Variants in UGT2B17 observed in about 807,000 individuals in gnomAD.
UGT2B17 encodes UDP-glucuronosyltransferase 2B17.
A neutral mutation model predicts 48.2 loss-of-function variants in UGT2B17; 21 were observed. That is an observed-to-expected ratio of 0.44 (90% CI 0.31 to 0.63). UGT2B17 has a LOEUF of 0.63. UGT2B17 is among the 20% of genes least tolerant of loss of function. The pLI is 0.08. For synonymous variants in UGT2B17, 146 were observed against 238.4 expected (o/e 0.61, Z 3.57); for missense variants, 402 against 696.1 (o/e 0.58, Z 4.75).
At chr4:68,541,786 T>C (rs1458092087) in intron 6 of UGT2B17, among the ~76,000 whole-genome samples, 10 of 127,188 alleles carry the variant, frequency 7.9e-5, no homozygotes, top group African/African-American at 2.7e-4. Context: ...GGGTTTTACA[T>C]TTAAGTCTTT....
At chr4:68,550,616 A>G in intron 6 of UGT2B17, 61 bp downstream of exon 6, 1 of 1,237,714 alleles carries the variant, frequency 8.1e-7, no homozygotes, top group Non-Finnish European at 1.1e-6. Flanking sequence ...GTTCAAACTC[A>G]TATTCACTGT....
intron 4 of UGT2B17, among the ~76,000 whole-genome samples, chr4:68,553,702 T>C (rs1425430353): frequency 1.6e-5 from 2 of 125,552 alleles, no homozygotes; most frequent in Non-Finnish European, 3.4e-5. Flanking sequence ...TGACTGTTGT[T>C]ATTTTTTTCC....
At chr4:68,561,226 C>T (rs1438873119) in intron 3 of UGT2B17, among the ~76,000 whole-genome samples, 1 of 121,984 alleles carries the variant, frequency 8.2e-6, no homozygotes, top group Non-Finnish European at 1.7e-5. Context: ...GCTCTCTAAC[C>T]CTTTATATTT....
Position 68,567,842 on chromosome 4 carries a change from T to C in UGT2B17, c.643A>G (p.Met215Val), listed in dbSNP as rs1731227769. ...AAGTCAAAATAAAGCATATATATCATATTTTTTATCCTCTCCATGAAAATC... is the reference window on the plus strand; with the variant it reads ...AAGTCAAAATAAAGCATATATATCACATTTTTTATCCTCTCCATGAAAATC... Reference protein sequence around the residue: ...QMIFMERIKNMIYMLYFDFWF... With the variant: ...QMIFMERIKNVIYMLYFDFWF... The change falls in exon 2 of 7, where the codon ATG (methionine) becomes GTG (valine). Residue 215 changes from methionine to valine, a missense_variant. By Grantham distance (21) the Met-to-Val change is conservative. This residue lies in a region of UGT2B17 where 106 missense variants were observed against 169.8 expected (regional missense o/e 0.62). Transcript: ENST00000317746. The C allele has an allele frequency of 1.5e-6, 2 of 1,375,842 alleles. 1 individual carries two copies. The highest frequency in any genetic ancestry group is 1.9e-6 in the Non-Finnish European group (2 of 1,053,492). The allele number at this position is 1,375,842 out of a possible 1,614,324, so 85.2% of individuals were successfully genotyped here. A position where few individuals can be genotyped will look rare whatever the true frequency, so the allele number is the denominator to read the frequency against.
chr4:68,573,247 G>C (rs1469452601), intron 1 of UGT2B17, among the ~76,000 whole-genome samples: 1 of 127,254 alleles, frequency 7.9e-6, no homozygotes, highest in Non-Finnish European at 1.7e-5. Flanking sequence ...ACAGGCCATT[G>C]GCCTTGGCCA....
intron 6 of UGT2B17, among the ~76,000 whole-genome samples, chr4:68,548,953 G>T (rs932096668): frequency 8.0e-6 from 1 of 125,254 alleles, no homozygotes; most frequent in African/African-American, 2.7e-5. Context: ...TGCAAATAGA[G>T]ACAATTTAAC....
chr4:68,565,070 G>A lies in UGT2B17; in HGVS notation c.873+502C>T, dbSNP rs1173728936. ...GTTTCACCTATCTCTGCACATTATT[G>A]AGTACTCACTTTAATTGTCAATGAG... On this transcript the variant is annotated intron_variant, in intron 3 of 6. Transcript: ENST00000317746. 6.9e-4 allele frequency among the ~76,000 whole-genome samples: 87 copies of A among 125,596 alleles called. 18 individuals carry two copies. The highest frequency in any genetic ancestry group is 1.7e-4 in the Non-Finnish European group (10 of 59,448). 82.4% of individuals were successfully genotyped at this position (125,596 alleles called of 152,430 possible). A position where few individuals can be genotyped will look rare whatever the true frequency, so the allele number is the denominator to read the frequency against.
At position 68,562,845 on chromosome 4, in the gene UGT2B17, C is replaced by CA. The variant is rs1293892323; in HGVS notation, c.874-2178dup. ...TCATTGTATATGCCTTTTTATCCTA[C>CA]AAAAAAATTGTGATCTTGTTCTACT... On this transcript the variant is annotated intron_variant, in intron 3 of 6. Transcript: ENST00000317746. Among the ~76,000 whole-genome samples, 2 of 125,836 alleles carry CA rather than the reference C, an allele frequency of 1.6e-5. 1 individual carries two copies. Among genetic ancestry groups the CA allele is most frequent in the South Asian group, 7.4e-4 (2 of 2,720 alleles). The allele number at this position is 125,836 out of a possible 152,430, so 82.6% of individuals were successfully genotyped here.
intron 6 of UGT2B17, among the ~76,000 whole-genome samples, chr4:68,549,303 C>A (rs1730873552): frequency 9.1e-6 from 1 of 109,836 alleles, no homozygotes; most frequent in Non-Finnish European, 1.9e-5. Context: ...TTTATTTTAT[C>A]AATATTAAAA....
At chr4:68,559,626 T>C (rs953936035) in intron 4 of UGT2B17, among the ~76,000 whole-genome samples, 2 of 126,522 alleles carry the variant, frequency 1.6e-5, no homozygotes, top group African/African-American at 5.4e-5. Context: ...AAAACTTGCA[T>C]AGATCATTCA....
At position 68,568,619 on chromosome 4, in the gene UGT2B17, G is replaced by T. The variant is rs116033838; in HGVS notation, c.-64-71C>A. 4.1e-5 allele frequency: 42 copies of T among 1,035,574 alleles called. 9 individuals are homozygous for T. Among genetic ancestry groups the T allele is most frequent in the Non-Finnish European group, 5.0e-5 (41 of 816,454 alleles). The allele number at this position is 1,035,574 out of a possible 1,614,324, so 64.1% of individuals were successfully genotyped here. A position where few individuals can be genotyped will look rare whatever the true frequency, so the allele number is the denominator to read the frequency against. ...GTTGACCTCATATTTATTTTAGTGT[G>T]TTTGGTGTTCTTTTATATTTACAAT... On this transcript the variant is annotated intron_variant, in intron 1 of 6. Coordinates refer to ENST00000317746, the MANE Select transcript of UGT2B17 (RefSeq NM_001077.4).
intron 2 of UGT2B17, among the ~76,000 whole-genome samples, chr4:68,567,487 G>A (rs1731220436): frequency 8.0e-6 from 1 of 125,456 alleles, no homozygotes; most frequent in Admixed American, 8.2e-5. Flanking sequence ...AAAATGTATA[G>A]CAAAATGATA....
chr4:68,550,856 G>C lies in UGT2B17; in HGVS notation c.1134C>G (p.Thr378=), dbSNP rs773360996. 2.2e-6 allele frequency: 3 copies of C among 1,375,532 alleles called. No homozygotes were observed. Among genetic ancestry groups the C allele is most frequent in the Non-Finnish European group, 2.8e-6 (3 of 1,056,506 alleles). The allele number at this position is 1,375,532 out of a possible 1,614,324, so 85.2% of individuals were successfully genotyped here. ...GGTAGATTGCCTCATAGATGCCATT[G>C]GTTCCACCATGAGTTATAAAAGCTT... ...KTKAFITHGG[T]NGIYEAIYHG... Residue 378 remains threonine (T), a synonymous_variant, in exon 6 of 7, where the codon ACC becomes ACG. Transcript: ENST00000317746.
rs1389494259 is a variant in UGT2B17, at chr4:68,572,700, A to G, written c.-65+3251T>C. On this transcript the variant is annotated intron_variant, in intron 1 of 6. Coordinates refer to ENST00000317746, the MANE Select transcript of UGT2B17 (RefSeq NM_001077.4). ...TCTTTTGTTCCACCTCAGTGACTTG[A>G]TGTATATACTGGAAACAGTTCTTAG... is the stretch of plus-strand genomic sequence containing the variant. 7.9e-5 allele frequency among the ~76,000 whole-genome samples: 10 copies of G among 126,822 alleles called. 3 individuals are homozygous for G. The highest frequency in any genetic ancestry group is 7.2e-4 in the Admixed American group (9 of 12,466). The allele number at this position is 126,822 out of a possible 152,430, so 83.2% of individuals were successfully genotyped here. A position where few individuals can be genotyped will look rare whatever the true frequency, so the allele number is the denominator to read the frequency against.
chr4:68,554,256 A>G (rs1730964072), intron 4 of UGT2B17, among the ~76,000 whole-genome samples: 1 of 124,198 alleles, frequency 8.1e-6, no homozygotes, highest in Non-Finnish European at 1.7e-5. Flanking sequence ...TGGGAAACAA[A>G]TAATCTAAGA....
rs1730698057 is a variant in UGT2B17, at chr4:68,542,822, G to A, written c.1314-4918C>T. Among the ~76,000 whole-genome samples, 3 of 127,000 alleles carry A rather than the reference G, an allele frequency of 2.4e-5. 1 individual carries two copies. Among genetic ancestry groups the A allele is most frequent in the Admixed American group, 8.0e-5 (1 of 12,516 alleles). 83.3% of individuals were successfully genotyped at this position (127,000 alleles called of 152,430 possible). A position where few individuals can be genotyped will look rare whatever the true frequency, so the allele number is the denominator to read the frequency against. On this transcript the variant is annotated intron_variant, in intron 6 of 6. Coordinates refer to ENST00000317746, the MANE Select transcript of UGT2B17 (RefSeq NM_001077.4). ...GCGCACCTGGCTCAGAGGGTCCTACGCCCACGGAGCCTCGCTCATTGCTAG... is the reference window on the plus strand; with the variant it reads ...GCGCACCTGGCTCAGAGGGTCCTACACCCACGGAGCCTCGCTCATTGCTAG...
At chr4:68,548,349 C>T (rs1214389039) in intron 6 of UGT2B17, among the ~76,000 whole-genome samples, 1 of 125,214 alleles carries the variant, frequency 8.0e-6, no homozygotes, top group Non-Finnish European at 1.7e-5. Flanking sequence ...ACCGCATGTT[C>T]TCACTCATAG....
chr4:68,563,970 TATC>T (rs1731148341), intron 3 of UGT2B17, among the ~76,000 whole-genome samples: 1 of 125,194 alleles, frequency 8.0e-6, no homozygotes, highest in Admixed American at 8.3e-5. Flanking sequence ...ATAATCATAA[TATC>T]AACAATATTT....
intron 4 of UGT2B17, among the ~76,000 whole-genome samples, chr4:68,556,903 T>TA (rs1198511760): frequency 8.0e-6 from 1 of 125,414 alleles, no homozygotes; most frequent in African/African-American, 2.7e-5. Flanking sequence ...AATCCTTTGA[T>TA]ATTTGACAAA....
Sources: gnomAD v4.1 joint callset for allele counts (sites outside exome capture counted in the v4.1 genomes callset) on GRCh38, gnomAD v4.1.1 for gene constraint, gnomAD v4.1.1 regional missense constraint, MANE v1.5 for transcripts, NCBI Gene and HGNC (gene_info 2026-07-23, HGNC 2026-07-21) for gene names.